The following ERN2 variants were observed in gnomAD, a reference collection of about 807,000 sequenced individuals.
The protein encoded by ERN2 is serine/threonine-protein kinase/endoribonuclease IRE2.
ERN2 carries 111 observed loss-of-function variants against 107.9 expected under a neutral mutation model. That is an observed-to-expected ratio of 1.03 (90% CI 0.88 to 1.20). The LOEUF (loss-of-function observed/expected upper bound fraction) is 1.20, where lower values mean the gene tolerates loss of function less well. Ranked by LOEUF, ERN2 falls within the 50% of genes most tolerant of loss-of-function variation. ERN2 has a pLI of 0.00. For synonymous variants in ERN2, 524 were observed against 501.7 expected, an observed-to-expected ratio of 1.04 and a Z score of -0.59; for missense variants, 1,225 against 1,197.9, an observed-to-expected ratio of 1.02 and a Z score of -0.33.
rs960039238 is a variant in ERN2 at position 23,690,480 on chromosome 16, A to T, written c.*351T>A. ...AGTCTTGTGGGGGAAAGGGGGTGACAGTGTCTCTCTGTGGACCAGGCTGGA... is the reference window on the plus strand; with the variant it reads ...AGTCTTGTGGGGGAAAGGGGGTGACTGTGTCTCTCTGTGGACCAGGCTGGA... On this transcript the variant is annotated 3_prime_UTR_variant, in exon 22 of 22. Coordinates refer to ENST00000256797, the MANE Select transcript of ERN2 (RefSeq NM_033266.4). 4.4e-6 allele frequency: 2 copies of T among 456,870 alleles called. No individual in the cohort carries two copies. The highest frequency in any genetic ancestry group is 4.0e-5 in the East Asian group (1 of 25,110). The allele number at this position is 456,870 out of a possible 1,614,324, so 28.3% of individuals were successfully genotyped here.
rs775277522 is a variant in ERN2, at chr16:23,706,404, C to T, written c.515G>A (p.Arg172Lys). ...TQYTVTMHDP[R>K]APALRWNTTY... is the part of the protein sequence containing the mutation. Reference sequence around the variant, plus strand: ...GGTGTTCCAGCGCAGGGCTGGGGCTCTTGGGTCATGCATGGTGACCGTATA... The same window carrying T: ...GGTGTTCCAGCGCAGGGCTGGGGCTTTTGGGTCATGCATGGTGACCGTATA... Residue 172 changes from arginine (R) to lysine (K), a missense_variant, in exon 7 of 22, where the codon AGA (arginine) becomes AAA (lysine). Transcript: ENST00000256797. 2 of 1,575,486 alleles carry T rather than the reference C, an allele frequency of 1.3e-6. No individual in the cohort carries two copies. The highest frequency in any genetic ancestry group is 1.8e-5 in the Admixed American group (1 of 54,342).
At chr16:23,711,293 C>T (rs1339076376) in intron 1 of ERN2, among the ~76,000 whole-genome samples, 1 of 152,174 alleles carries the variant, frequency 6.6e-6, no homozygotes, top group East Asian at 1.9e-4. Context: ...TTCTGGTTTT[C>T]CAAAGAAGAC....
In ERN2 at chr16:23,710,185, T is replaced by C; in HGVS notation, c.293A>G (p.Gln98Arg). ...GSLYILGTQK[Q>R]QGLMKLPFTI... ...TGGGATACAAACCATTAATCCCTGTTGTTTTTGGGTCCCCAAGATGTACAG... is the reference window on the plus strand; with the variant it reads ...TGGGATACAAACCATTAATCCCTGTCGTTTTTGGGTCCCCAAGATGTACAG... Residue 98 changes from glutamine (Q) to arginine (R), a missense_variant, in exon 4 of 22, where the codon CAA becomes CGA. Coordinates refer to ENST00000256797, the MANE Select transcript of ERN2 (RefSeq NM_033266.4). The C allele has an allele frequency of 6.2e-7, 1 of 1,613,236 alleles. No homozygotes were observed. The highest frequency in any genetic ancestry group is 8.5e-7 in the Non-Finnish European group (1 of 1,179,158).
Position 23,690,763 on chromosome 16 carries a change from A to C in ERN2, c.*68T>G. 9.1e-7 allele frequency: 1 copy of C among 1,100,216 alleles called. No homozygotes were observed. The highest frequency in any genetic ancestry group is 1.3e-6 in the Non-Finnish European group (1 of 789,108). 68.2% of individuals were successfully genotyped at this position (1,100,216 alleles called of 1,614,324 possible). A position where few individuals can be genotyped will look rare whatever the true frequency, so the allele number is the denominator to read the frequency against. ...AGCCACTGCACCCAGCCTGATTCTG[A>C]GGCCAGCCACAGGCTCAGCTCTTCA... On this transcript the variant is annotated 3_prime_UTR_variant, in exon 22 of 22. Transcript: ENST00000256797.
At chr16:23,710,467 C>G in intron 3 of ERN2, 49 bp downstream of exon 3, 3 of 1,584,266 alleles carry the variant, frequency 1.9e-6, no homozygotes, top group Non-Finnish European at 2.6e-6. Flanking sequence ...AACTATGAGT[C>G]CCCCATCTCC....
At chr16:23,691,652 T>C (rs1959602074) in intron 19 of ERN2, among the ~76,000 whole-genome samples, 1 of 152,210 alleles carries the variant, frequency 6.6e-6, no homozygotes, top group African/African-American at 2.4e-5. Flanking sequence ...GCATGAAGTC[T>C]CTTGCTCAAG....
Position 23,695,356 on chromosome 16 carries a change from C to T in ERN2, c.1644G>A (p.Lys548=). The T allele has an allele frequency of 6.2e-7, 1 of 1,607,114 alleles. No individual in the cohort carries two copies. Among genetic ancestry groups the T allele is most frequent in the South Asian group, 1.1e-5 (1 of 90,254 alleles). The part of the protein sequence containing the change: ...GQFEGRAVAV[K]RLLRECFGLV... ...GGCCAAAGCACTCGCGGAGGAGCCG[C>T]TTGACAGCCACTGCCCGTCCCTCAA... The change falls in exon 15 of 22, where the codon AAG becomes AAA. Residue 548 remains lysine (K), a synonymous_variant. Coordinates refer to ENST00000256797, the MANE Select transcript of ERN2 (RefSeq NM_033266.4).
intron 18 of ERN2, 23 bp downstream of exon 18, chr16:23,692,161 T>G (rs1321809595): frequency 1.2e-6 from 2 of 1,614,028 alleles, no homozygotes; most frequent in Non-Finnish European, 1.7e-6. Flanking sequence ...CTCCCTTCTC[T>G]GCCCTGCCCA....
At chr16:23,705,455 TG>T in intron 7 of ERN2, among the ~76,000 whole-genome samples, 1 of 113,128 alleles carries the variant, frequency 8.8e-6, no homozygotes, top group Non-Finnish European at 1.8e-5. Context: ...TTGGGTCACT[TG>T]GGAGTCACTT....
intron 8 of ERN2, 91 bp from the exon 9 acceptor site, chr16:23,702,793 T>C (rs1960142883): frequency 3.7e-6 from 4 of 1,094,558 alleles, no homozygotes; most frequent in South Asian, 1.3e-5. Flanking sequence ...TATATTTCCC[T>C]CTCACATTGA....
At position 23,695,923 on chromosome 16, in the gene ERN2, G is replaced by T. The variant is rs1222001929; in HGVS notation, c.1581C>A (p.Gly527=). 1 of 1,614,100 alleles carries T rather than the reference G, an allele frequency of 6.2e-7. No homozygotes were observed. The highest frequency in any genetic ancestry group is 8.5e-7 in the Non-Finnish European group (1 of 1,179,976). Residue 527 remains glycine, a synonymous_variant, in exon 14 of 22, where the codon GGC becomes GGA. Coordinates refer to ENST00000256797, the MANE Select transcript of ERN2 (RefSeq NM_033266.4). ...KISFNPKDVL[G]RGAGGTFVFR... is the part of the protein sequence containing the mutation. ...AAACGAAAGTCCCGCCTGCCCCGCG[G>T]CCCAGCACGTCCTTGGGATTGAAGG...
chr16:23,706,919 G>C, intron 5 of ERN2, 58 bp from the exon 6 acceptor site: 1 of 1,568,590 alleles, frequency 6.4e-7, no homozygotes, highest in South Asian at 1.1e-5. Flanking sequence ...GTGTGGCCCC[G>C]CCACTCTTGT....
In ERN2 at chr16:23,691,214, A is replaced by ACC; in HGVS notation, c.2501-19_2501-18insGG. On this transcript the variant is annotated intron_variant, in intron 20 of 21. Coordinates refer to ENST00000256797, the MANE Select transcript of ERN2 (RefSeq NM_033266.4). Reference sequence around the variant, plus strand: ...TCTCAGATCTGTGGACAGGGAATTCAGTGGCAAAACCGTCCCTGCTAGACT... The same window carrying ACC: ...TCTCAGATCTGTGGACAGGGAATTCACCGTGGCAAAACCGTCCCTGCTAGACT... The ACC allele has an allele frequency of 6.2e-7, 1 of 1,613,998 alleles. No homozygotes were observed.
rs112285904 is a variant in ERN2 at position 23,691,284 on chromosome 16, C to A, written c.2500+18G>T. On this transcript the variant is annotated intron_variant, in intron 20 of 21. Coordinates refer to ENST00000256797, the MANE Select transcript of ERN2 (RefSeq NM_033266.4). Reference sequence around the variant, plus strand: ...CACTCCCCTCCACCGCCCAGGCCCACCTGAGTATGGCCTCTACCTGTCTGC... The same window carrying A: ...CACTCCCCTCCACCGCCCAGGCCCAACTGAGTATGGCCTCTACCTGTCTGC... 6.2e-7 allele frequency: 1 copy of A among 1,612,568 alleles called. No individual in the cohort carries two copies.
intron 17 of ERN2, among the ~76,000 whole-genome samples, chr16:23,693,469 G>A (rs111643428): frequency 0.063 from 9,588 of 151,848 alleles, 633 homozygotes; most frequent in African/African-American, 0.16. Context: ...CCTGCCTATA[G>A]TCCCAGCTAC....
At chr16:23,693,292 T>A (rs1014877341) in intron 17 of ERN2, among the ~76,000 whole-genome samples, 3 of 151,192 alleles carry the variant, frequency 2.0e-5, no homozygotes, top group African/African-American at 7.3e-5. Context: ...GTCTCAAAAA[T>A]ATATATATAT....
intron 13 of ERN2, among the ~76,000 whole-genome samples, chr16:23,699,059 C>A (rs964264585): frequency 7.9e-5 from 12 of 152,066 alleles, no homozygotes; most frequent in Non-Finnish European, 1.2e-4. Flanking sequence ...GGGAGATGGG[C>A]GTTTTGGGGT....
Position 23,695,908 on chromosome 16 carries a change from C to T in ERN2, c.1596G>A (p.Gly532=), listed in dbSNP as rs1316591378. 1.2e-6 allele frequency: 2 copies of T among 1,614,036 alleles called. No homozygotes were observed. The highest frequency in any genetic ancestry group is 1.3e-5 in the African/African-American group (1 of 75,046). ...CTGCCACTCACCGGAAAACGAAAGT[C>T]CCGCCTGCCCCGCGGCCCAGCACGT... is the stretch of plus-strand genomic sequence containing the variant. ...PKDVLGRGAG[G]TFVFRGQFEG... Residue 532 remains glycine, a synonymous_variant, in exon 14 of 22, where the codon GGG becomes GGA. Transcript: ENST00000256797.
chr16:23,692,250 G>A lies in ERN2; in HGVS notation c.2182C>T (p.Leu728Phe). 6.2e-7 allele frequency: 1 copy of A among 1,614,202 alleles called. No homozygotes were observed. Among genetic ancestry groups the A allele is most frequent in the Non-Finnish European group, 8.5e-7 (1 of 1,180,034 alleles). The change falls in exon 18 of 22, where the codon CTT becomes TTT. Residue 728 changes from leucine to phenylalanine, a missense_variant. Transcript: ENST00000256797. ...SGGSHPFGDS[L>F]YRQANILTGA... ...GTGAGGATGTTTGCCTGGCGATAAA[G>A]ACTGTCTCCAAAGGGGTGGCTGCCA...
Sources: allele counts gnomAD v4.1 joint callset (sites outside exome capture counted in the v4.1 genomes callset), GRCh38; gene constraint gnomAD v4.1.1; transcripts MANE v1.5; gene names NCBI Gene and HGNC (gene_info 2026-07-23, HGNC 2026-07-21).